Variants in IARS1 observed in about 807,000 individuals in gnomAD.
IARS1 encodes isoleucine--tRNA ligase, cytoplasmic.
IARS1 carries 124 observed loss-of-function variants against 168.2 expected under a neutral mutation model. That is an observed-to-expected ratio of 0.74 (90% confidence interval 0.64 to 0.86). The LOEUF (loss-of-function observed/expected upper bound fraction) is 0.86, where lower values mean the gene tolerates loss of function less well. Ranked by LOEUF, IARS1 falls within the 40% of genes least tolerant of loss-of-function variation. The probability of loss-of-function intolerance (pLI) is 0.00; values close to 1 mark genes in which losing one functional copy is unlikely to be tolerated. For missense variants in IARS1, 1,452 were observed against 1,515.8 expected (o/e 0.96, Z 0.70); for synonymous variants, 532 against 529.4 (o/e 1.00, Z -0.07).
At chr9:92,213,623 A>G (rs1159314358) in intron 33 of IARS1, among the ~76,000 whole-genome samples, 1 of 152,162 alleles carries the variant, frequency 6.6e-6, no homozygotes, top group South Asian at 2.1e-4. Flanking sequence ...GGCCTTTCTG[A>G]CACCCTAATT....
At chr9:92,270,944 C>G (rs778067763) in intron 12 of IARS1, 41 bp downstream of exon 12, 133 of 1,370,152 alleles carry the variant, frequency 9.7e-5, no homozygotes, top group Non-Finnish European at 1.3e-4. Flanking sequence ...TAAGCACAGA[C>G]TGGAAGCTCT....
At chr9:92,213,756 G>A (rs1838157121) in intron 33 of IARS1, among the ~76,000 whole-genome samples, 1 of 152,194 alleles carries the variant, frequency 6.6e-6, no homozygotes, top group African/African-American at 2.4e-5. Flanking sequence ...TTGGAGTAGG[G>A]ATAGACAGAT....
rs763502265 is a variant in IARS1 at position 92,271,568 on chromosome 9, T to A, written c.1078A>T (p.Thr360Ser). ...TGTCCTGCGAAATCTGTCACCTCCGTTGTGAAGCAGCCTGAAGCATCCACA... is the reference window on the plus strand; with the variant it reads ...TGTCCTGCGAAATCTGTCACCTCCGATGTGAAGCAGCCTGAAGCATCCACA... ...CPVDASGCFTTEVTDFAGQYV... is the reference protein window; with the variant it reads ...CPVDASGCFTSEVTDFAGQYV... Residue 360 changes from threonine (T) to serine (S), a missense_variant, in exon 11 of 34, where the codon ACG (threonine) becomes TCG (serine). By Grantham distance (58) the Thr-to-Ser change is moderately conservative. Transcript: ENST00000443024. The A allele has an allele frequency of 1.2e-6, 2 of 1,614,118 alleles. No individual in the cohort carries two copies. Among genetic ancestry groups the A allele is most frequent in the Non-Finnish European group, 1.7e-6 (2 of 1,179,968 alleles).
At position 92,240,345 on chromosome 9, in the gene IARS1, C is replaced by T. The variant is rs1160471691; in HGVS notation, c.3283+511G>A. The T allele has an allele frequency of 1.4e-5, 4 of 277,318 alleles. No homozygotes were observed. In the East Asian group the frequency reaches 2.1e-4, roughly 14 times the overall value. 17.2% of individuals were successfully genotyped at this position (277,318 alleles called of 1,614,324 possible). A position where few individuals can be genotyped will look rare whatever the true frequency, so the allele number is the denominator to read the frequency against. ...ATGGTGCAATCTCAGCTCACTGCAACCTCCACCTCCCGGGTTCAAGAAATT... is the reference window on the plus strand; with the variant it reads ...ATGGTGCAATCTCAGCTCACTGCAATCTCCACCTCCCGGGTTCAAGAAATT... On this transcript the variant is annotated intron_variant, in intron 30 of 33. Coordinates refer to ENST00000443024, the MANE Select transcript of IARS1 (RefSeq NM_002161.6).
chr9:92,246,970 G>C (rs1369056319), intron 26 of IARS1, among the ~76,000 whole-genome samples: 2 of 152,204 alleles, frequency 1.3e-5, no homozygotes, highest in East Asian at 3.8e-4. Context: ...AAGGCGGGTG[G>C]ATCACCTGAG....
At chr9:92,290,146 G>A (rs1217449454) in intron 1 of IARS1, among the ~76,000 whole-genome samples, 1 of 152,136 alleles carries the variant, frequency 6.6e-6, no homozygotes, top group East Asian at 1.9e-4. Flanking sequence ...TTTTTCCAAA[G>A]TGACTGTACT....
At chr9:92,262,295 T>G (rs1831637330) in intron 17 of IARS1, among the ~76,000 whole-genome samples, 1 of 152,100 alleles carries the variant, frequency 6.6e-6, no homozygotes, top group African/African-American at 2.4e-5. Flanking sequence ...AAAATAAGGA[T>G]GCACAAAATG....
intron 14 of IARS1, among the ~76,000 whole-genome samples, chr9:92,267,200 A>C (rs1832405570): frequency 6.6e-6 from 1 of 152,172 alleles, no homozygotes; most frequent in Non-Finnish European, 1.5e-5. Context: ...GGATCATCTG[A>C]CAAGGGCCAC....
chr9:92,263,364 A>G (rs963229766), intron 16 of IARS1, among the ~76,000 whole-genome samples: 6 of 152,252 alleles, frequency 3.9e-5, no homozygotes, highest in African/African-American at 9.6e-5. Context: ...AGAAGCACCT[A>G]GCTGAAGATG....
At chr9:92,283,620 A>T (rs921102605) in intron 6 of IARS1, among the ~76,000 whole-genome samples, 1 of 152,180 alleles carries the variant, frequency 6.6e-6, no homozygotes, top group South Asian at 2.1e-4. Context: ...CAGCCTGGGC[A>T]TCAGAGTGAG....
intron 6 of IARS1, among the ~76,000 whole-genome samples, chr9:92,284,386 A>G (rs1234383594): frequency 6.6e-6 from 1 of 151,438 alleles, no homozygotes; most frequent in Admixed American, 6.6e-5. Flanking sequence ...AGGCAAGATT[A>G]GCCAGTCATT....
Position 92,250,731 on chromosome 9 carries a change from A to G in IARS1, c.2411T>C (p.Leu804Pro), listed in dbSNP as rs1461052883. Reference protein sequence around the residue: ...QDKDTLSIHYLMLPRVREELI... With the variant: ...QDKDTLSIHYPMLPRVREELI... ...GTCCTACCGAACACGGGGCAGCATG[A>G]GGTAGTGAATGCTGAGTGTGTCCTT... Residue 804 changes from leucine (L) to proline (P), a missense_variant, in exon 23 of 34, where the codon CTC becomes CCC. Physicochemically the swap from Leu to Pro is moderately conservative, Grantham distance 98. Transcript: ENST00000443024. 1.9e-6 allele frequency: 3 copies of G among 1,611,546 alleles called. No homozygotes were observed. In the East Asian group the frequency reaches 6.7e-5, roughly 36 times the overall value.
intron 30 of IARS1, among the ~76,000 whole-genome samples, chr9:92,232,245 T>G (rs542034298): frequency 6.6e-6 from 1 of 152,292 alleles, no homozygotes; most frequent in South Asian, 2.1e-4. Context: ...TTTTGTTAAT[T>G]TAAATGATGA....
intron 20 of IARS1, chr9:92,253,873 A>C (rs373178258): frequency 1.1e-5 from 5 of 473,632 alleles, no homozygotes; most frequent in South Asian, 7.6e-5. Flanking sequence ...AAAAAGCACA[A>C]TTCAGATGCT....
chr9:92,242,055 C>A, intron 29 of IARS1, 99 bp downstream of exon 29: 1 of 886,530 alleles, frequency 1.1e-6, no homozygotes, highest in Non-Finnish European at 1.8e-6. Flanking sequence ...GAGTGCTGTG[C>A]CGATCTCTAC....
chr9:92,272,397 C>G (rs545145881), intron 10 of IARS1, among the ~76,000 whole-genome samples: 6 of 152,284 alleles, frequency 3.9e-5, no homozygotes, highest in African/African-American at 1.2e-4. Flanking sequence ...GAGTGTGGAG[C>G]AAGTAACTTT....
chr9:92,237,018 T>A (rs1827647764), intron 30 of IARS1, among the ~76,000 whole-genome samples: 1 of 152,228 alleles, frequency 6.6e-6, no homozygotes, highest in South Asian at 2.1e-4. Flanking sequence ...GATTTCTGTA[T>A]CATTAATTTT....
intron 4 of IARS1, among the ~76,000 whole-genome samples, chr9:92,286,980 A>G (rs1835563902): frequency 6.6e-6 from 1 of 152,244 alleles, no homozygotes; most frequent in Non-Finnish European, 1.5e-5. Context: ...GAATCTCCCC[A>G]CAAGATACTT....
At chr9:92,211,562 T>C (rs1008442168) in intron 33 of IARS1, among the ~76,000 whole-genome samples, 4 of 152,060 alleles carry the variant, frequency 2.6e-5, no homozygotes, top group Non-Finnish European at 4.4e-5. Flanking sequence ...TCCTCACTCC[T>C]TGCAGGTGGA....
Sources: gnomAD v4.1 joint callset for allele counts (sites outside exome capture counted in the v4.1 genomes callset) on GRCh38, gnomAD v4.1.1 for gene constraint, MANE v1.5 for transcripts, NCBI Gene and HGNC (gene_info 2026-07-23, HGNC 2026-07-21) for gene names.